Variants in LRRTM4 observed in about 807,000 individuals in gnomAD.
LRRTM4 encodes leucine rich repeat transmembrane neuronal 4.
In LRRTM4, 25 loss-of-function variants were observed where a neutral mutation model predicts 47.6. The ratio of observed to expected loss-of-function variants is 0.53; its 90% confidence interval spans 0.38 to 0.73. The LOEUF is 0.73. Among genes scored for constraint, LRRTM4 ranks in the 30% least tolerant of loss-of-function variants. The probability of loss-of-function intolerance (pLI) is 0.00; values close to 1 mark genes in which losing one functional copy is unlikely to be tolerated. For missense variants in LRRTM4, 638 were observed against 713.4 expected, an observed-to-expected ratio of 0.89 and a Z score of 1.20; for synonymous variants, 311 against 269.5, an observed-to-expected ratio of 1.15 and a Z score of -1.51.
In LRRTM4 at chr2:76,883,154, A is replaced by T. The variant is rs754869061; in HGVS notation, c.1552-134238T>A. Among the ~76,000 whole-genome samples the T allele has an allele frequency of 7.2e-5, 11 of 152,194 alleles. No individual in the cohort carries two copies. The South Asian group carries it at 2.3e-3, about 32-fold the overall frequency. On this transcript the variant is annotated intron_variant, in intron 3 of 3. Transcript: ENST00000409884. ...CTTCAATATGTGAAACTCATCTTCA[A>T]TAAGAACACTGCAAACCCCAGCATC...
chr2:77,050,344 G>C (rs990931165), intron 3 of LRRTM4, among the ~76,000 whole-genome samples: 1 of 151,998 alleles, frequency 6.6e-6, no homozygotes, highest in Non-Finnish European at 1.5e-5. Flanking sequence ...TTCTCTACTC[G>C]AGGCCTAATG....
chr2:77,125,489 C>A (rs190574911), intron 3 of LRRTM4, among the ~76,000 whole-genome samples: 1 of 152,106 alleles, frequency 6.6e-6, no homozygotes, highest in Non-Finnish European at 1.5e-5. Flanking sequence ...CCATCCTAAA[C>A]GCTCAAGTCA....
intron 3 of LRRTM4, among the ~76,000 whole-genome samples, chr2:77,488,321 C>T (rs1203873402): frequency 6.6e-6 from 1 of 152,194 alleles, no homozygotes; most frequent in African/African-American, 2.4e-5. Flanking sequence ...AGCTGCCTGC[C>T]CTGTCGCAGC....
intron 3 of LRRTM4, among the ~76,000 whole-genome samples, chr2:76,920,050 C>G (rs1458959949): frequency 5.9e-5 from 9 of 151,860 alleles, no homozygotes; most frequent in Admixed American, 5.9e-4. Context: ...ATTGAATGTT[C>G]TATTTGAATT....
chr2:76,760,661 A>G (rs1484893913), intron 3 of LRRTM4, among the ~76,000 whole-genome samples: 3 of 152,176 alleles, frequency 2.0e-5, no homozygotes, highest in Non-Finnish European at 4.4e-5. Context: ...GCCCTTGTAT[A>G]GAATGGAACA....
intron 3 of LRRTM4, among the ~76,000 whole-genome samples, chr2:77,274,741 C>T (rs1676295884): frequency 6.6e-6 from 1 of 152,086 alleles, no homozygotes; most frequent in Admixed American, 6.6e-5. Context: ...TCGACTAAAA[C>T]CTTCATATGG....
intron 3 of LRRTM4, among the ~76,000 whole-genome samples, chr2:77,230,869 A>G (rs1674943019): frequency 6.6e-6 from 1 of 152,160 alleles, no homozygotes; most frequent in Non-Finnish European, 1.5e-5. Context: ...AACACAAACT[A>G]TCATTAAAAA....
intron 3 of LRRTM4, among the ~76,000 whole-genome samples, chr2:76,930,486 G>T (rs1674735631): frequency 6.6e-6 from 1 of 152,152 alleles, no homozygotes; most frequent in Admixed American, 6.6e-5. Context: ...CCAACCTAGA[G>T]GCACAGAAGT....
At chr2:76,905,890 A>G (rs978075070) in intron 3 of LRRTM4, among the ~76,000 whole-genome samples, 3 of 152,154 alleles carry the variant, frequency 2.0e-5, no homozygotes, top group African/African-American at 4.8e-5. Context: ...TGAAAGTGAC[A>G]GGGAGAATGG....
intron 3 of LRRTM4, among the ~76,000 whole-genome samples, chr2:76,953,283 T>C (rs1675558270): frequency 1.3e-5 from 2 of 151,914 alleles, no homozygotes; most frequent in African/African-American, 2.4e-5. Flanking sequence ...ACAGGAACAC[T>C]GATCTAACAA....
chr2:77,454,797 C>T (rs925801814), intron 3 of LRRTM4, among the ~76,000 whole-genome samples: 2 of 152,192 alleles, frequency 1.3e-5, no homozygotes, highest in Non-Finnish European at 2.9e-5. Context: ...ATATTCAACA[C>T]ATAAATGATG....
At chr2:77,048,737 T>C (rs971092175) in intron 3 of LRRTM4, among the ~76,000 whole-genome samples, 3 of 151,900 alleles carry the variant, frequency 2.0e-5, no homozygotes, top group African/African-American at 4.8e-5. Flanking sequence ...AATTAGCATA[T>C]CTATCATCTC....
intron 3 of LRRTM4, among the ~76,000 whole-genome samples, chr2:77,316,121 A>T (rs6737371): frequency 0.28 from 41,813 of 151,984 alleles, 6,615 homozygotes; most frequent in East Asian, 0.5. Context: ...AACAGAGGCA[A>T]AATGGTTCTA....
At chr2:76,869,938 A>G (rs543298591) in intron 3 of LRRTM4, among the ~76,000 whole-genome samples, 24 of 152,292 alleles carry the variant, frequency 1.6e-4, no homozygotes, top group African/African-American at 5.3e-4. Flanking sequence ...TGTGTGAATG[A>G]TAGTATAAGT....
chr2:76,819,334 A>T (rs1670991643), intron 3 of LRRTM4, among the ~76,000 whole-genome samples: 1 of 151,858 alleles, frequency 6.6e-6, no homozygotes, highest in Non-Finnish European at 1.5e-5. Flanking sequence ...ATTTGTCTAC[A>T]GTCATAAAAA....
At chr2:77,220,356 G>C (rs1247293716) in intron 3 of LRRTM4, among the ~76,000 whole-genome samples, 2 of 152,318 alleles carry the variant, frequency 1.3e-5, no homozygotes, top group East Asian at 3.9e-4. Context: ...GCTGGACGCA[G>C]AATGACTTCT....
chr2:76,993,012 A>G (rs548501694), intron 3 of LRRTM4, among the ~76,000 whole-genome samples: 1 of 151,984 alleles, frequency 6.6e-6, no homozygotes, highest in Non-Finnish European at 1.5e-5. Context: ...AACCGAAATA[A>G]GCAGTGGGGA....
chr2:77,056,131 G>A (rs1010363674), intron 3 of LRRTM4, among the ~76,000 whole-genome samples: 1 of 151,442 alleles, frequency 6.6e-6, no homozygotes, highest in Non-Finnish European at 1.5e-5. Context: ...CATGGCACAT[G>A]TATACATATG....
Position 77,339,822 on chromosome 2 carries a change from G to A in LRRTM4, c.1551+178496C>T, listed in dbSNP as rs563619919. 8.6e-5 allele frequency among the ~76,000 whole-genome samples: 13 copies of A among 152,014 alleles called. No homozygotes were observed. The East Asian group carries it at 2.5e-3, about 29-fold the overall frequency. ...AAAAAGGGGCTCACTCTCCTGAGCA[G>A]AGGAAAGGTTGTATCAGGGGAAGCT... On this transcript the variant is annotated intron_variant, in intron 3 of 3. Coordinates refer to ENST00000409884, the MANE Select transcript of LRRTM4 (RefSeq NM_001134745.3).
Sources: gnomAD v4.1 joint callset for allele counts (sites outside exome capture counted in the v4.1 genomes callset) on GRCh38, gnomAD v4.1.1 for gene constraint, MANE v1.5 for transcripts, NCBI Gene and HGNC (gene_info 2026-07-23, HGNC 2026-07-21) for gene names.